Variants in TMEM150C observed in about 807,000 individuals in gnomAD.
TMEM150C encodes transmembrane protein 150C, also known as tentonin 3.
TMEM150C carries 10 observed loss-of-function variants against 29.9 expected under a neutral mutation model. That is an observed-to-expected ratio of 0.33 (90% confidence interval 0.21 to 0.57). The LOEUF is 0.57. Among genes scored for constraint, TMEM150C ranks in the 20% least tolerant of loss-of-function variants. TMEM150C has a pLI of 0.88. For synonymous variants in TMEM150C, 101 were observed against 112.5 expected, an observed-to-expected ratio of 0.90 and a Z score of 0.64; for missense variants, 251 against 303.6, an observed-to-expected ratio of 0.83 and a Z score of 1.29.
At chr4:82,528,570 T>G (rs77772812) in intron 1 of TMEM150C, among the ~76,000 whole-genome samples, 1 of 151,296 alleles carries the variant, frequency 6.6e-6, no homozygotes, top group East Asian at 1.9e-4. Context: ...CATTCTCCTC[T>G]CTCTCTTACT....
At chr4:82,528,601 G>A (rs111840018) in intron 1 of TMEM150C, among the ~76,000 whole-genome samples, 3,838 of 145,952 alleles carry the variant, frequency 0.026, 162 homozygotes, top group African/African-American at 0.093. Flanking sequence ...ACTTTTCCTC[G>A]TCCCTTTTTT....
At chr4:82,519,674 G>T (rs1476970529) in intron 1 of TMEM150C, among the ~76,000 whole-genome samples, 1 of 152,054 alleles carries the variant, frequency 6.6e-6, no homozygotes, top group Non-Finnish European at 1.5e-5. Flanking sequence ...TGATCCACCC[G>T]CCTCGGCCTC....
At chr4:82,523,735 T>C (rs1724563694) in intron 1 of TMEM150C, among the ~76,000 whole-genome samples, 1 of 151,748 alleles carries the variant, frequency 6.6e-6, no homozygotes, top group African/African-American at 2.4e-5. Flanking sequence ...TGGAGTACAG[T>C]GACGTGATCT....
intron 5 of TMEM150C, among the ~76,000 whole-genome samples, chr4:82,500,971 C>T (rs981077713): frequency 6.6e-6 from 1 of 152,206 alleles, no homozygotes; most frequent in Non-Finnish European, 1.5e-5. Flanking sequence ...ATCGTTGTTG[C>T]CCCCTGTGGG....
chr4:82,510,841 C>A (rs1446594234), intron 1 of TMEM150C, among the ~76,000 whole-genome samples: 1 of 152,142 alleles, frequency 6.6e-6, no homozygotes, highest in African/African-American at 2.4e-5. Context: ...GCCCATGAAC[C>A]AAGAGCATCC....
chr4:82,513,444 T>C (rs1163805649), intron 1 of TMEM150C, among the ~76,000 whole-genome samples: 1 of 151,854 alleles, frequency 6.6e-6, no homozygotes. Context: ...GCCAATGAAC[T>C]GCACACTTAA....
intron 1 of TMEM150C, among the ~76,000 whole-genome samples, chr4:82,548,465 G>A (rs1486110124): frequency 6.6e-6 from 1 of 152,000 alleles, no homozygotes; most frequent in Non-Finnish European, 1.5e-5. Context: ...GGGGCAGCAG[G>A]GTGTTGTGGA....
At chr4:82,503,561 A>G (rs1723801776) in intron 2 of TMEM150C, among the ~76,000 whole-genome samples, 1 of 152,212 alleles carries the variant, frequency 6.6e-6, no homozygotes, top group Non-Finnish European at 1.5e-5. Context: ...CATTTTATAA[A>G]CATATCAGGC....
chr4:82,556,521 A>G (rs1235170443), intron 1 of TMEM150C, among the ~76,000 whole-genome samples: 1 of 152,186 alleles, frequency 6.6e-6, no homozygotes, highest in Non-Finnish European at 1.5e-5. Context: ...AATTGTTTTG[A>G]AAACACTAAC....
In TMEM150C at chr4:82,485,078, A is replaced by G. The variant is rs1163508312; in HGVS notation, c.*433T>C. On this transcript the variant is annotated 3_prime_UTR_variant, in exon 8 of 8. Coordinates refer to ENST00000449862, the MANE Select transcript of TMEM150C (RefSeq NM_001080506.3). ...GATACACTATTATCCACTCAAGAATATTAGTGCCAGATTCAGAACTTCCTC... is the reference window on the plus strand; with the variant it reads ...GATACACTATTATCCACTCAAGAATGTTAGTGCCAGATTCAGAACTTCCTC... The G allele has an allele frequency of 5.6e-6, 1 of 178,332 alleles. No individual in the cohort carries two copies. Among genetic ancestry groups the G allele is most frequent in the Non-Finnish European group, 1.2e-5 (1 of 84,076 alleles). 11.0% of individuals were successfully genotyped at this position (178,332 alleles called of 1,614,324 possible).
chr4:82,498,643 G>A (rs994077863), intron 5 of TMEM150C, among the ~76,000 whole-genome samples: 2 of 152,024 alleles, frequency 1.3e-5, no homozygotes, highest in South Asian at 2.1e-4. Flanking sequence ...CTCTCTGCTG[G>A]TCATTTTGTG....
At chr4:82,509,112 T>A (rs1724034299) in intron 1 of TMEM150C, among the ~76,000 whole-genome samples, 1 of 152,188 alleles carries the variant, frequency 6.6e-6, no homozygotes, top group African/African-American at 2.4e-5. Flanking sequence ...TTTCTTCCAA[T>A]AAATGTCATT....
At position 82,491,134 on chromosome 4, in the gene TMEM150C, T is replaced by A. The variant is rs193094535; in HGVS notation, c.364-896A>T. The A allele has an allele frequency of 7.1e-5, 50 of 702,538 alleles. 1 individual carries two copies. Among genetic ancestry groups the A allele is most frequent in the African/African-American group, 7.1e-4 (41 of 57,670 alleles). 43.5% of individuals were successfully genotyped at this position (702,538 alleles called of 1,614,324 possible). On this transcript the variant is annotated intron_variant, in intron 6 of 7. Transcript: ENST00000449862. ...GCAGGCAGGAAGACAGCTAGCTCGA[T>A]GGGATCCACATCGTGTGCAATCACC...
chr4:82,492,792 C>CAAA (rs1192509650), intron 6 of TMEM150C, among the ~76,000 whole-genome samples: 11 of 51,846 alleles, frequency 2.1e-4, no homozygotes, highest in African/African-American at 8.2e-4. Flanking sequence ...TCCACTTCTC[C>CAAA]AAAAAAAAAA....
chr4:82,490,788 T>C, intron 6 of TMEM150C: 1 of 432,422 alleles, frequency 2.3e-6, no homozygotes, highest in Non-Finnish European at 4.3e-6. Flanking sequence ...TTACTTTAAT[T>C]GTTTTTTAAG....
intron 1 of TMEM150C, among the ~76,000 whole-genome samples, chr4:82,526,409 G>A (rs1443047281): frequency 1.3e-5 from 2 of 152,144 alleles, no homozygotes; most frequent in African/African-American, 4.8e-5. Flanking sequence ...GAATCACCCT[G>A]CCTAAAAAAG....
At chr4:82,490,271 C>A (rs1374266423) in intron 6 of TMEM150C, 33 bp from the exon 7 acceptor site, 2 of 1,595,796 alleles carry the variant, frequency 1.3e-6, no homozygotes, top group Non-Finnish European at 1.7e-6. Context: ...CACATGAAGG[C>A]CCATTCAGCA....
intron 7 of TMEM150C, 38 bp from the exon 8 acceptor site, chr4:82,485,757 C>A: frequency 6.5e-7 from 1 of 1,538,858 alleles, no homozygotes; most frequent in Non-Finnish European, 8.8e-7. Flanking sequence ...CCTCATCAGC[C>A]ACATTAAAAC....
chr4:82,489,240 T>C (rs1378516288), intron 7 of TMEM150C, among the ~76,000 whole-genome samples: 1 of 151,966 alleles, frequency 6.6e-6, no homozygotes, highest in East Asian at 1.9e-4. Flanking sequence ...ACTGGCAGGC[T>C]TCTATTGGGC....
Sources: gnomAD v4.1 joint callset for allele counts (sites outside exome capture counted in the v4.1 genomes callset) on GRCh38, gnomAD v4.1.1 for gene constraint, MANE v1.5 for transcripts, NCBI Gene and HGNC (gene_info 2026-07-23, HGNC 2026-07-21) for gene names.